The following PXDN variants were observed in gnomAD, a reference collection of about 807,000 sequenced individuals.
PXDN encodes peroxidasin homolog.
In PXDN, 77 loss-of-function variants were observed where a neutral mutation model predicts 140.3. The observed-to-expected ratio is 0.55, with a 90% confidence interval of 0.46 to 0.66. The LOEUF (loss-of-function observed/expected upper bound fraction) is 0.66, where lower values mean the gene tolerates loss of function less well. Among genes scored for constraint, PXDN ranks in the 30% least tolerant of loss-of-function variants. The pLI is 0.00. For synonymous variants in PXDN, 911 were observed against 857.4 expected (o/e 1.06, Z -1.09); for missense variants, 1,838 against 2,039.5 (o/e 0.90, Z 1.90).
chr2:1,635,712 A>G (rs1682536589), intron 21 of PXDN, 191 bp from the exon 22 acceptor site: 2 of 595,474 alleles, frequency 3.4e-6, no homozygotes, highest in Non-Finnish European at 3.0e-6. Context: ...ACACGCCCCA[A>G]TGGAAGACAT....
intron 14 of PXDN, among the ~76,000 whole-genome samples, chr2:1,658,056 CTCTCTCTCTCTCTCTCTCTCTCT>C: frequency 7.6e-6 from 1 of 131,260 alleles, no homozygotes; most frequent in African/African-American, 3.1e-5. Context: ...CTCTCTCTCT[CTCTCTCTCTCTCTCTCTCTCTCT>C]CTCTCTCTCT....
chr2:1,643,984 AT>A (rs1170598864), intron 18 of PXDN, among the ~76,000 whole-genome samples: 1 of 137,316 alleles, frequency 7.3e-6, no homozygotes, highest in Non-Finnish European at 1.5e-5. Context: ...AGGCAGGAGA[AT>A]GGGGTGAACC....
At chr2:1,673,591 T>C (rs1337632864) in intron 9 of PXDN, 52 bp downstream of exon 9, 9 of 1,564,604 alleles carry the variant, frequency 5.8e-6, no homozygotes, top group South Asian at 1.2e-5. Flanking sequence ...AGGCAGATAG[T>C]GAGGGACGAC....
At chr2:1,640,046 T>G (rs1682685850) in intron 19 of PXDN, among the ~76,000 whole-genome samples, 1 of 142,800 alleles carries the variant, frequency 7.0e-6, no homozygotes, top group Non-Finnish European at 1.5e-5. Context: ...GGTCCCCGGG[T>G]GAGTGAGGGG....
At chr2:1,674,115 T>C (rs1683641029) in intron 8 of PXDN, among the ~76,000 whole-genome samples, 1 of 152,220 alleles carries the variant, frequency 6.6e-6, no homozygotes, top group Non-Finnish European at 1.5e-5. Flanking sequence ...ACGGAAAAAA[T>C]TCCAAGGAAA....
intron 16 of PXDN, among the ~76,000 whole-genome samples, chr2:1,652,663 A>G (rs1683040917): frequency 1.3e-5 from 2 of 151,942 alleles, no homozygotes; most frequent in East Asian, 1.9e-4. Flanking sequence ...ATACAGCTTC[A>G]CATTGGCTGG....
At chr2:1,653,163 C>A in intron 16 of PXDN, 1 of 260,630 alleles carries the variant, frequency 3.8e-6, no homozygotes, top group Non-Finnish European at 7.6e-6. Flanking sequence ...ACAGCATCTC[C>A]ACACCAGCCC....
rs201077249 is a variant in PXDN at position 1,648,781 on chromosome 2, G to C, written c.2999C>G (p.Thr1000Arg). Residue 1000 changes from threonine (T) to arginine (R), a missense_variant, in exon 17 of 23, where the codon ACG (threonine) becomes AGG (arginine). Physicochemically the swap from Thr to Arg is moderately conservative, Grantham distance 71 (BLOSUM62 -1). Transcript: ENST00000252804. This position sits in a 1 kb window ranked among gnomAD's most constrained non-coding sequence, Gnocchi z 8.9. Reference sequence around the variant, plus strand: ...GTGCGGGTTCAGCTTGAGCAGCTCCGTGGCAATGCGGTTGTGCTCGCGGAA... The same window carrying C: ...GTGCGGGTTCAGCTTGAGCAGCTCCCTGGCAATGCGGTTGTGCTCGCGGAA... Reference protein sequence around the residue: ...LWFREHNRIATELLKLNPHWD... With the variant: ...LWFREHNRIARELLKLNPHWD... 5 of 1,604,100 alleles carry C rather than the reference G, an allele frequency of 3.1e-6. No homozygotes were observed. Among genetic ancestry groups the C allele is most frequent in the Non-Finnish European group, 4.3e-6 (5 of 1,176,140 alleles).
In PXDN at chr2:1,648,414, G is replaced by A. The variant is rs746199083; in HGVS notation, c.3366C>T (p.Phe1122=). The change falls in exon 17 of 23, where the codon TTC becomes TTT. Residue 1122 remains phenylalanine (F), a synonymous_variant. Coordinates refer to ENST00000252804, the MANE Select transcript of PXDN (RefSeq NM_012293.3). The surrounding 1 kb of genome is among the most constrained non-coding windows in gnomAD (Gnocchi z 8.9). Reference sequence around the variant, plus strand: ...GCACACGCATTTTCCCCGCCACCCCGAACAGCCCCCTGAGAAGCGGATCGA... The same window carrying A: ...GCACACGCATTTTCCCCGCCACCCCAAACAGCCCCCTGAGAAGCGGATCGA... ...GGIDPLLRGL[F]GVAGKMRVPS... The A allele has an allele frequency of 9.3e-6, 15 of 1,611,564 alleles. No individual in the cohort carries two copies. The Middle Eastern group carries it at 6.6e-4, about 71-fold the overall frequency.
At chr2:1,661,935 A>G in intron 13 of PXDN, 137 bp downstream of exon 13, 2 of 711,834 alleles carry the variant, frequency 2.8e-6, no homozygotes, top group Non-Finnish European at 4.7e-6. Flanking sequence ...TGTCCAGCCC[A>G]TCATACCCCA....
chr2:1,655,047 C>T (rs1357509872), intron 14 of PXDN, among the ~76,000 whole-genome samples: 2 of 149,358 alleles, frequency 1.3e-5, no homozygotes, highest in Admixed American at 6.7e-5. Context: ...CACACACACA[C>T]AATCACATTA....
At chr2:1,646,352 T>C (rs1162439742) in intron 17 of PXDN, among the ~76,000 whole-genome samples, 2 of 152,192 alleles carry the variant, frequency 1.3e-5, no homozygotes, top group Non-Finnish European at 2.9e-5. Context: ...TTGAAATGTT[T>C]TGAAATAAGT....
At position 1,685,924 on chromosome 2, in the gene PXDN, T is replaced by C. The variant is rs1394961513; in HGVS notation, c.416+1708A>G. ...AACGCATGTTTCCTGACTGGCCAGG[T>C]GTGTTTTCTGACCTGTGTCCACAGC... On this transcript the variant is annotated intron_variant, in intron 4 of 22. Coordinates refer to ENST00000252804, the MANE Select transcript of PXDN (RefSeq NM_012293.3). The surrounding 1 kb of genome is among the most constrained non-coding windows in gnomAD (Gnocchi z 5.1). 6.6e-6 allele frequency among the ~76,000 whole-genome samples: 1 copy of C among 152,130 alleles called. No individual in the cohort carries two copies. The highest frequency in any genetic ancestry group is 1.5e-5 in the Non-Finnish European group (1 of 68,028).
intron 2 of PXDN, 62 bp from the exon 3 acceptor site, chr2:1,692,061 TA>T (rs1684193306): frequency 8.2e-6 from 10 of 1,214,302 alleles, no homozygotes; most frequent in African/African-American, 1.6e-5. Flanking sequence ...GAAGTTGTGT[TA>T]AAACATTCCG....
rs1372964373 is a variant in PXDN at position 1,651,256 on chromosome 2, G to A, written c.2105-1581C>T. 6.6e-6 allele frequency among the ~76,000 whole-genome samples: 1 copy of A among 152,298 alleles called. No homozygotes were observed. The highest frequency in any genetic ancestry group is 1.9e-4 in the East Asian group (1 of 5,152). The stretch of plus-strand genomic sequence containing the variant: ...CCTCCCAAATGCCTGGCTGGGCTGT[G>A]GGGCTGGTCTCCGGGCTTTCCTCCA... On this transcript the variant is annotated intron_variant, in intron 16 of 22. Coordinates refer to ENST00000252804, the MANE Select transcript of PXDN (RefSeq NM_012293.3). The surrounding 1 kb of genome is among the most constrained non-coding windows in gnomAD (Gnocchi z 4.4).
intron 1 of PXDN, among the ~76,000 whole-genome samples, chr2:1,732,916 C>T (rs184542156): frequency 4.2e-4 from 64 of 152,244 alleles, no homozygotes; most frequent in African/African-American, 1.4e-3. Context: ...TTTTAATACC[C>T]GCATTTTCTA....
At chr2:1,688,545 CAT>C (rs1684114604) in intron 3 of PXDN, among the ~76,000 whole-genome samples, 1 of 152,180 alleles carries the variant, frequency 6.6e-6, no homozygotes, top group South Asian at 2.1e-4. Flanking sequence ...CCATCTCGGA[CAT>C]GACTCGCCTT....
intron 2 of PXDN, 99 bp downstream of exon 2, chr2:1,692,963 AC>A: frequency 8.4e-7 from 1 of 1,185,754 alleles, no homozygotes; most frequent in Non-Finnish European, 1.2e-6. Flanking sequence ...ACTTTTCCCC[AC>A]CCAAGCCCAC....
intron 1 of PXDN, among the ~76,000 whole-genome samples, chr2:1,740,184 T>C: frequency 6.6e-6 from 1 of 152,268 alleles, no homozygotes; most frequent in Non-Finnish European, 1.5e-5. Flanking sequence ...TGGGAAGTGC[T>C]GAGGGTGGAC....
Sources: gnomAD v4.1 joint callset for allele counts (sites outside exome capture counted in the v4.1 genomes callset) on GRCh38, gnomAD v4.1.1 for gene constraint, Gnocchi (gnomAD v3.1) non-coding constraint, MANE v1.5 for transcripts, NCBI Gene and HGNC (gene_info 2026-07-23, HGNC 2026-07-21) for gene names.